Variants in RXRA observed in about 807,000 individuals in gnomAD.
The protein encoded by RXRA is retinoic acid receptor RXR-alpha.
A neutral mutation model predicts 44.5 loss-of-function variants in RXRA; 5 were observed. The ratio of observed to expected loss-of-function variants is 0.11; its 90% CI spans 0.06 to 0.24. RXRA has a LOEUF of 0.24. Among genes scored for constraint, RXRA ranks in the 10% least tolerant of loss-of-function variants. The probability of loss-of-function intolerance (pLI) is 1.00; values close to 1 mark genes in which losing one functional copy is unlikely to be tolerated. For missense variants in RXRA, 412 were observed against 646.5 expected (o/e 0.64, Z 3.93); for synonymous variants, 291 against 271.4 (o/e 1.07, Z -0.71).
At chr9:134,391,327 G>T (rs1228863535) in intron 1 of RXRA, among the ~76,000 whole-genome samples, 1 of 152,186 alleles carries the variant, frequency 6.6e-6, no homozygotes, top group Non-Finnish European at 1.5e-5. Context: ...GGAGACGAGA[G>T]CCGCCCTGAG....
At position 134,365,089 on chromosome 9, in the gene RXRA, C is replaced by T. The variant is rs142540876; in HGVS notation, c.29-36543C>T. On this transcript the variant is annotated intron_variant, in intron 1 of 9. Coordinates refer to ENST00000481739, the MANE Select transcript of RXRA (RefSeq NM_002957.6). This position sits in a 1 kb window ranked among gnomAD's most constrained non-coding sequence, Gnocchi z 4.0. ...GGGAGAGCGTTTCCCAAGGTGGGGT[C>T]TGGTGCTGGCAGGAGGGGGCGGGGT... Among the ~76,000 whole-genome samples the T allele has an allele frequency of 1.4e-3, 210 of 152,232 alleles. 2 individuals carry two copies. Among genetic ancestry groups the T allele is most frequent in the African/African-American group, 4.7e-3 (197 of 41,526 alleles).
chr9:134,383,576 G>A (rs1830677628), intron 1 of RXRA, among the ~76,000 whole-genome samples: 1 of 152,136 alleles, frequency 6.6e-6, no homozygotes, highest in African/African-American at 2.4e-5. Context: ...GTGAGGGCCG[G>A]AAGAACCCAC....
intron 7 of RXRA, among the ~76,000 whole-genome samples, chr9:134,430,253 G>A (rs1413901988): frequency 6.6e-6 from 1 of 152,228 alleles, no homozygotes; most frequent in Non-Finnish European, 1.5e-5. Flanking sequence ...CTGGGGACCG[G>A]ATGTCAGCTT....
chr9:134,368,370 C>G (rs906449686), intron 1 of RXRA, among the ~76,000 whole-genome samples: 4 of 152,266 alleles, frequency 2.6e-5, no homozygotes, highest in Non-Finnish European at 5.9e-5. Context: ...ACCCACTCCC[C>G]TGGGGCTGGA....
chr9:134,407,544 C>T lies in RXRA; in HGVS notation c.280-605C>T, dbSNP rs1402573405. Among the ~76,000 whole-genome samples the T allele has an allele frequency of 1.3e-5, 2 of 151,846 alleles. No individual in the cohort carries two copies. Among genetic ancestry groups the T allele is most frequent in the Non-Finnish European group, 2.9e-5 (2 of 67,940 alleles). On this transcript the variant is annotated intron_variant, in intron 2 of 9. Transcript: ENST00000481739. The surrounding 1 kb of genome is among the most constrained non-coding windows in gnomAD (Gnocchi z 4.8). ...GCAGCGTGCGGGCCGGCGGGTGGGG[C>T]GGAGGGGTGTGCAGAGAGGCCAGTG...
At chr9:134,362,866 C>T (rs1004568893) in intron 1 of RXRA, among the ~76,000 whole-genome samples, 1 of 152,254 alleles carries the variant, frequency 6.6e-6, no homozygotes, top group African/African-American at 2.4e-5. Flanking sequence ...TGTGTGTGCC[C>T]CCATGCCCGG....
chr9:134,422,684 TC>T, intron 6 of RXRA: 2 of 984,968 alleles, frequency 2.0e-6, no homozygotes, highest in Middle Eastern at 5.2e-4. Context: ...CCCGGGACAC[TC>T]CCCCGTCCTG....
At chr9:134,412,031 G>T (rs995650441) in intron 4 of RXRA, among the ~76,000 whole-genome samples, 4 of 152,204 alleles carry the variant, frequency 2.6e-5, no homozygotes, top group African/African-American at 4.8e-5. Flanking sequence ...TGCTGGGCAA[G>T]ACCCCTTGGC....
rs34847516 is a variant in RXRA, at chr9:134,421,129, G to A, written c.781-547G>A. On this transcript the variant is annotated intron_variant, in intron 5 of 9. Transcript: ENST00000481739. ...CCTTCCAGAGCTGTGGGAGAGACTC[G>A]TGCGTCCTGCTGTAACCCAGTGGCT... 3.1e-4 allele frequency among the ~76,000 whole-genome samples: 47 copies of A among 152,350 alleles called. No individual in the cohort carries two copies. In the East Asian group the frequency reaches 7.7e-3, roughly 25 times the overall value.
At chr9:134,335,049 G>T (rs1476955908) in intron 1 of RXRA, among the ~76,000 whole-genome samples, 1 of 152,152 alleles carries the variant, frequency 6.6e-6, no homozygotes, top group East Asian at 1.9e-4. Flanking sequence ...TCTCTCTTTG[G>T]GCACTGACCT....
In RXRA at chr9:134,380,232, C is replaced by T. The variant is rs528636205; in HGVS notation, c.29-21400C>T. 687 of 974,050 alleles carry T rather than the reference C, an allele frequency of 7.1e-4. 2 individuals are homozygous for T. The African/African-American group carries it at 8.9e-3, about 13-fold the overall frequency. The allele number at this position is 974,050 out of a possible 1,614,324, so 60.3% of individuals were successfully genotyped here. On this transcript the variant is annotated intron_variant, in intron 1 of 9. Transcript: ENST00000481739. ...GGCGTGCCGGCCCCGTGAGTCACGC[C>T]GATCCCAGGATGGGAGTGGGGGTGG...
intron 1 of RXRA, among the ~76,000 whole-genome samples, chr9:134,331,034 G>A (rs1834996756): frequency 6.6e-6 from 1 of 152,214 alleles, no homozygotes; most frequent in South Asian, 2.1e-4. Context: ...GCTGTCAGGT[G>A]TAGAGGAACA....
At chr9:134,396,312 A>T (rs149853996) in intron 1 of RXRA, among the ~76,000 whole-genome samples, 253 of 151,716 alleles carry the variant, frequency 1.7e-3, no homozygotes, top group Middle Eastern at 0.01. Flanking sequence ...TTCCTCCTAC[A>T]CTAACCACCT....
chr9:134,379,251 C>T lies in RXRA; in HGVS notation c.29-22381C>T, dbSNP rs76787599. On this transcript the variant is annotated intron_variant, in intron 1 of 9. Coordinates refer to ENST00000481739, the MANE Select transcript of RXRA (RefSeq NM_002957.6). ...CTGATCCCTGTGGGCTCCCTGAGGG[C>T]GGGGCTCGGGCCTGCCCCATCAGCA... The T allele has an allele frequency of 1.4e-3, 1,419 of 985,220 alleles. 1 individual carries two copies. The highest frequency in any genetic ancestry group is 1.6e-3 in the Non-Finnish European group (1,366 of 829,734). The allele number at this position is 985,220 out of a possible 1,614,324, so 61.0% of individuals were successfully genotyped here. A position where few individuals can be genotyped will look rare whatever the true frequency, so the allele number is the denominator to read the frequency against.
rs1332316131 is a variant in RXRA, at chr9:134,407,233, G to A, written c.280-916G>A. The stretch of plus-strand genomic sequence containing the variant: ...TTGAGCCTCAAACTCTTCCTGTCCC[G>A]TGAGAAGGGGGGATGGGATTTGGAG... On this transcript the variant is annotated intron_variant, in intron 2 of 9. Transcript: ENST00000481739. The surrounding 1 kb of genome is among the most constrained non-coding windows in gnomAD (Gnocchi z 4.8). Among the ~76,000 whole-genome samples, 2 of 152,242 alleles carry A rather than the reference G, an allele frequency of 1.3e-5. No homozygotes were observed. The highest frequency in any genetic ancestry group is 6.5e-5 in the Admixed American group (1 of 15,288).
In RXRA at chr9:134,421,753, C is replaced by T. The variant is rs1588302806; in HGVS notation, c.858C>T (p.Ile286=). Residue 286 remains isoleucine, a synonymous_variant, in exon 6 of 10, where the codon ATC becomes ATT. Coordinates refer to ENST00000481739, the MANE Select transcript of RXRA (RefSeq NM_002957.6). ...CCCTGGTGGAGTGGGCCAAGCGGAT[C>T]CCACACTTCTCAGAGCTGCCCCTGG... ...LFTLVEWAKR[I]PHFSELPLDD... The T allele has an allele frequency of 1.2e-6, 2 of 1,605,076 alleles. No homozygotes were observed. Among genetic ancestry groups the T allele is most frequent in the Non-Finnish European group, 1.7e-6 (2 of 1,173,126 alleles).
chr9:134,377,544 G>A (rs1379705979), intron 1 of RXRA, among the ~76,000 whole-genome samples: 1 of 152,168 alleles, frequency 6.6e-6, no homozygotes, highest in Non-Finnish European at 1.5e-5. Flanking sequence ...TGTGTGCCCT[G>A]CAGCCAGCAC....
At chr9:134,399,834 G>A (rs1830932589) in intron 1 of RXRA, among the ~76,000 whole-genome samples, 1 of 152,224 alleles carries the variant, frequency 6.6e-6, no homozygotes, top group Non-Finnish European at 1.5e-5. Context: ...AGTGCTGGCT[G>A]AATCTGAGCA....
chr9:134,401,846 C>A lies in RXRA; in HGVS notation c.243C>A (p.Thr81=), dbSNP rs1377615368. 13 of 1,612,024 alleles carry A rather than the reference C, an allele frequency of 8.1e-6. No individual in the cohort carries two copies. The highest frequency in any genetic ancestry group is 1.1e-5 in the Non-Finnish European group (13 of 1,179,264). The change falls in exon 2 of 10, where the codon ACC becomes ACA. Residue 81 remains threonine, a synonymous_variant. Coordinates refer to ENST00000481739, the MANE Select transcript of RXRA (RefSeq NM_002957.6). ...PMGPHSMSVP[T]TPTLGFSTGS... ...GCCCCCACTCCATGTCGGTGCCCAC[C>A]ACACCCACCCTGGGCTTCAGCACTG...
Sources: gnomAD v4.1 joint callset for allele counts (sites outside exome capture counted in the v4.1 genomes callset) on GRCh38, gnomAD v4.1.1 for gene constraint, Gnocchi (gnomAD v3.1) non-coding constraint, MANE v1.5 for transcripts, NCBI Gene and HGNC (gene_info 2026-07-23, HGNC 2026-07-21) for gene names.